The following PACRG variants were observed in gnomAD, a reference collection of about 807,000 sequenced individuals.
PACRG encodes parkin coregulated gene protein.
PACRG carries 29 observed loss-of-function variants against 29.7 expected under a neutral mutation model. The ratio of observed to expected loss-of-function variants is 0.98; its 90% CI spans 0.73 to 1.33. PACRG has a LOEUF of 1.33. Ranked by LOEUF, PACRG falls within the 40% of genes most tolerant of loss-of-function variation. The pLI is 0.00. For missense variants in PACRG, 279 were observed against 316.2 expected (o/e 0.88, Z 0.89); for synonymous variants, 116 against 118.7 (o/e 0.98, Z 0.15).
chr6:163,023,109 G>A (rs530655606), intron 2 of PACRG, among the ~76,000 whole-genome samples: 1 of 152,258 alleles, frequency 6.6e-6, no homozygotes, highest in South Asian at 2.1e-4. Flanking sequence ...GATACAGGTG[G>A]TACATACGCA....
intron 4 of PACRG, among the ~76,000 whole-genome samples, chr6:163,254,278 A>T (rs1783021724): frequency 6.6e-6 from 1 of 152,206 alleles, no homozygotes; most frequent in South Asian, 2.1e-4. Context: ...CCCATGAATG[A>T]CCAAAAATAT....
chr6:163,261,342 C>G (rs955193912), intron 4 of PACRG, among the ~76,000 whole-genome samples: 1 of 152,062 alleles, frequency 6.6e-6, no homozygotes, highest in African/African-American at 2.4e-5. Context: ...TTTGCTGCAC[C>G]TATCAACCCG....
intron 1 of PACRG, among the ~76,000 whole-genome samples, chr6:162,797,621 C>A (rs1203451321): frequency 6.6e-6 from 1 of 152,134 alleles, no homozygotes; most frequent in African/African-American, 2.4e-5. Flanking sequence ...TATTTCAAAA[C>A]ATTTTTATAA....
At chr6:163,230,274 C>T (rs1182237722) in intron 4 of PACRG, among the ~76,000 whole-genome samples, 1 of 152,172 alleles carries the variant, frequency 6.6e-6, no homozygotes, top group African/African-American at 2.4e-5. Context: ...TAACTGTGTC[C>T]TTATGTTAGG....
chr6:163,102,405 C>T (rs762442040), intron 4 of PACRG, among the ~76,000 whole-genome samples: 9 of 152,170 alleles, frequency 5.9e-5, no homozygotes, highest in Non-Finnish European at 1.3e-4. Context: ...CTCAGATTTT[C>T]CACCATCAAC....
chr6:162,751,231 T>C (rs1399303690), intron 1 of PACRG, among the ~76,000 whole-genome samples: 1 of 152,154 alleles, frequency 6.6e-6, no homozygotes, highest in Non-Finnish European at 1.5e-5. Context: ...TTTTCTGTTA[T>C]AATGAGTGAG....
chr6:163,277,990 C>T (rs1441053064), intron 4 of PACRG, among the ~76,000 whole-genome samples: 1 of 152,090 alleles, frequency 6.6e-6, no homozygotes, highest in African/African-American at 2.4e-5. Context: ...ACATCCATAC[C>T]AGCATCTATT....
intron 4 of PACRG, among the ~76,000 whole-genome samples, chr6:163,149,814 TCCTTCCCAC>T (rs1778001272): frequency 6.6e-6 from 1 of 152,162 alleles, no homozygotes; most frequent in African/African-American, 2.4e-5. Flanking sequence ...GCGCAGATCC[TCCTTCCCAC>T]CCTGCGTTTC....
chr6:163,115,789 C>A (rs1047675668), intron 4 of PACRG, among the ~76,000 whole-genome samples: 2 of 152,176 alleles, frequency 1.3e-5, no homozygotes, highest in Non-Finnish European at 2.9e-5. Flanking sequence ...TCTGGAGAGA[C>A]CATGAGATCA....
chr6:163,242,228 G>A (rs1216917735), intron 4 of PACRG, among the ~76,000 whole-genome samples: 4 of 152,222 alleles, frequency 2.6e-5, no homozygotes, highest in Non-Finnish European at 4.4e-5. Flanking sequence ...TCCATTTTCC[G>A]TCTCCTCACA....
At chr6:163,131,237 G>A (rs1473028294) in intron 4 of PACRG, among the ~76,000 whole-genome samples, 2 of 151,920 alleles carry the variant, frequency 1.3e-5, no homozygotes, top group Admixed American at 6.6e-5. Context: ...GAACCCGGGA[G>A]GCGTAGCTTG....
At chr6:162,838,244 C>A (rs970188236) in intron 2 of PACRG, among the ~76,000 whole-genome samples, 1 of 152,190 alleles carries the variant, frequency 6.6e-6, no homozygotes, top group African/African-American at 2.4e-5. Context: ...TGTCACTCAT[C>A]TGTCAGTCCA....
At chr6:163,024,566 T>C (rs1806943382) in intron 2 of PACRG, among the ~76,000 whole-genome samples, 1 of 152,246 alleles carries the variant, frequency 6.6e-6, no homozygotes. Flanking sequence ...AGGCTCTTTC[T>C]TGGTTCCATA....
intron 2 of PACRG, among the ~76,000 whole-genome samples, chr6:162,898,917 T>A (rs1002239879): frequency 1.3e-5 from 2 of 152,238 alleles, no homozygotes; most frequent in Non-Finnish European, 2.9e-5. Context: ...GTTTGGGTAA[T>A]GTCCCTATTT....
intron 1 of PACRG, among the ~76,000 whole-genome samples, chr6:162,758,610 A>G (rs1782114844): frequency 1.3e-5 from 2 of 152,218 alleles, no homozygotes; most frequent in Non-Finnish European, 2.9e-5. Flanking sequence ...AACATGGACA[A>G]GAGAGCCAGA....
At chr6:162,811,594 A>C (rs1242215427) in intron 1 of PACRG, among the ~76,000 whole-genome samples, 9 of 152,162 alleles carry the variant, frequency 5.9e-5, no homozygotes, top group Non-Finnish European at 5.9e-5. Context: ...ATAATGAAAA[A>C]CTATCAGAAA....
chr6:162,806,658 A>G (rs1231057706), intron 1 of PACRG, among the ~76,000 whole-genome samples: 1 of 152,182 alleles, frequency 6.6e-6, no homozygotes, highest in Non-Finnish European at 1.5e-5. Context: ...CATGCTATAT[A>G]CAGATGTGTT....
intron 4 of PACRG, among the ~76,000 whole-genome samples, chr6:163,304,137 A>T (rs1300796691): frequency 1.3e-5 from 2 of 152,138 alleles, no homozygotes; most frequent in African/African-American, 4.8e-5. Context: ...GTTGAGGAGT[A>T]CATGATTGAA....
intron 2 of PACRG, among the ~76,000 whole-genome samples, chr6:162,882,500 A>T (rs1793976835): frequency 6.6e-6 from 1 of 152,186 alleles, no homozygotes; most frequent in South Asian, 2.1e-4. Context: ...AAATTCTTGG[A>T]TGTAAGAATT....
Sources: allele counts gnomAD v4.1 joint callset (sites outside exome capture counted in the v4.1 genomes callset), GRCh38; gene constraint gnomAD v4.1.1; transcripts MANE v1.5; gene names NCBI Gene and HGNC (gene_info 2026-07-23, HGNC 2026-07-21).